The following BCO2 variants were observed in gnomAD, a reference collection of about 807,000 sequenced individuals.
BCO2 encodes beta-carotene oxygenase 2.
In BCO2, 56 loss-of-function variants were observed where a neutral mutation model predicts 65.8. The ratio of observed to expected loss-of-function variants is 0.85; its 90% CI spans 0.69 to 1.06. The LOEUF (loss-of-function observed/expected upper bound fraction) is 1.06. Among genes scored for constraint, BCO2 ranks in the 50% least tolerant of loss-of-function variants. The pLI is 0.00. For missense variants in BCO2, 675 were observed against 698.5 expected (o/e 0.97, Z 0.38); for synonymous variants, 233 against 242.3 (o/e 0.96, Z 0.36).
intron 2 of BCO2, chr11:112,183,191 A>G: frequency 2.2e-6 from 2 of 901,878 alleles, no homozygotes; most frequent in Non-Finnish European, 3.7e-6. Context: ...GTGTCAGATG[A>G]GAAATTTTAG....
intron 1 of BCO2, chr11:112,176,182 A>C (rs1866875381): frequency 6.5e-6 from 1 of 153,968 alleles, no homozygotes; most frequent in Non-Finnish European, 1.4e-5. Context: ...TGCACTATAA[A>C]TTTTAAAATT....
In BCO2 at chr11:112,199,414, C is replaced by T. The variant is rs536964352; in HGVS notation, c.737-285C>T. Among the ~76,000 whole-genome samples the T allele has an allele frequency of 7.2e-5, 11 of 152,246 alleles. No individual in the cohort carries two copies. In the East Asian group the frequency reaches 1.9e-3, roughly 27 times the overall value. ...TGCTATTGTGAACAGTGCTTGGCTG[C>T]TATCTTAATGTTTCCTACGAATTAG... On this transcript the variant is annotated intron_variant, in intron 5 of 11. Transcript: ENST00000357685.
intron 8 of BCO2, 79 bp from the exon 9 acceptor site, chr11:112,213,645 T>C: frequency 7.5e-7 from 1 of 1,337,822 alleles, no homozygotes; most frequent in Non-Finnish European, 1.1e-6. Flanking sequence ...ATGCCAATGA[T>C]GTTGACTGGA....
chr11:112,201,143 C>T (rs1867719927), intron 7 of BCO2, among the ~76,000 whole-genome samples: 1 of 146,518 alleles, frequency 6.8e-6, no homozygotes, highest in Non-Finnish European at 1.5e-5. Context: ...GCTTCTTTTT[C>T]CTTTTTTTTT....
At position 112,217,846 on chromosome 11, in the gene BCO2, G is replaced by T; in HGVS notation, c.1712G>T (p.Gly571Val). 4 of 1,613,816 alleles carry T rather than the reference G, an allele frequency of 2.5e-6. No homozygotes were observed. The highest frequency in any genetic ancestry group is 3.4e-6 in the Non-Finnish European group (4 of 1,179,782). Residue 571 changes from glycine (G) to valine (V), a missense_variant, in exon 12 of 12, where the codon GGG (glycine) becomes GTG (valine). By Grantham distance (109) the Gly-to-Val change is moderately radical. Transcript: ENST00000357685. ...GAGGTACCTGTGCAGATGCCTTATGGGTTCCATGGTACCTTCATACCCATC... is the reference window on the plus strand; with the variant it reads ...GAGGTACCTGTGCAGATGCCTTATGTGTTCCATGGTACCTTCATACCCATC... ...RAEVPVQMPYGFHGTFIPI is the reference protein window; with the variant it reads ...RAEVPVQMPYVFHGTFIPI
At chr11:112,201,134 CTTCT>C (rs1321302556) in intron 7 of BCO2, among the ~76,000 whole-genome samples, 1 of 149,626 alleles carries the variant, frequency 6.7e-6, no homozygotes, top group East Asian at 1.9e-4. Context: ...GATTCTCTGG[CTTCT>C]TTTTCCTTTT....
chr11:112,188,216 G>A (rs1322600061), intron 2 of BCO2, among the ~76,000 whole-genome samples: 1 of 152,182 alleles, frequency 6.6e-6, no homozygotes, highest in Non-Finnish European at 1.5e-5. Context: ...CCCAGTTAAA[G>A]CATCACCAGC....
rs1859729824 is a variant in BCO2, at chr11:112,217,829, T to C, written c.1695T>C (p.Pro565=). ...NFEELGRAEV[P]VQMPYGFHGT... is the part of the protein sequence containing the mutation. ...AAGAGCTGGGCCGAGCAGAGGTACC[T>C]GTGCAGATGCCTTATGGGTTCCATG... The change falls in exon 12 of 12, where the codon CCT becomes CCC. Residue 565 remains proline, a synonymous_variant. Transcript: ENST00000357685. 1 of 1,614,162 alleles carries C rather than the reference T, an allele frequency of 6.2e-7. No homozygotes were observed. Among genetic ancestry groups the C allele is most frequent in the Middle Eastern group, 1.7e-4 (1 of 6,060 alleles).
chr11:112,193,269 C>T (rs919325519), intron 2 of BCO2, among the ~76,000 whole-genome samples: 4 of 152,068 alleles, frequency 2.6e-5, no homozygotes, highest in South Asian at 2.1e-4. Flanking sequence ...TGAGCCACCG[C>T]GCCCAGCCTA....
In BCO2 at chr11:112,217,933, G is replaced by T; in HGVS notation, c.*59G>T. The T allele has an allele frequency of 7.9e-7, 1 of 1,272,650 alleles. No homozygotes were observed. The highest frequency in any genetic ancestry group is 2.3e-5 in the East Asian group (1 of 42,696). 78.8% of individuals were successfully genotyped at this position (1,272,650 alleles called of 1,614,324 possible). On this transcript the variant is annotated 3_prime_UTR_variant, in exon 12 of 12. Transcript: ENST00000357685. ...AAATAAGTGTGCACTTGGACATAAA[G>T]ACTGGAGAAATAAACACTGAGGACT...
chr11:112,183,265 C>T (rs1867106657), intron 2 of BCO2: 4 of 720,840 alleles, frequency 5.5e-6, no homozygotes, highest in East Asian at 2.5e-5. Context: ...TCCATCCACT[C>T]AGTTGTCTAG....
chr11:112,181,958 C>T, intron 2 of BCO2: 1 of 555,592 alleles, frequency 1.8e-6, no homozygotes, highest in Non-Finnish European at 3.3e-6. Context: ...ACCCATCTGA[C>T]AAAGGGCTAA....
At chr11:112,188,392 G>A (rs1239862258) in intron 2 of BCO2, among the ~76,000 whole-genome samples, 1 of 152,138 alleles carries the variant, frequency 6.6e-6, no homozygotes, top group African/African-American at 2.4e-5. Flanking sequence ...CTCCTCGTTG[G>A]CTTCTTCAAT....
chr11:112,211,697 T>A (rs531462130), intron 8 of BCO2, among the ~76,000 whole-genome samples: 40 of 152,314 alleles, frequency 2.6e-4, no homozygotes, highest in Non-Finnish European at 4.4e-4. Flanking sequence ...GTGGTTTTGA[T>A]TTGCATTTTC....
chr11:112,181,732 G>C (rs1867056600), intron 2 of BCO2: 3 of 912,980 alleles, frequency 3.3e-6, no homozygotes, highest in Non-Finnish European at 5.5e-6. Flanking sequence ...TCAGAACTGT[G>C]ATGCCAGGGT....
chr11:112,210,303 T>C (rs1566797010), intron 8 of BCO2, among the ~76,000 whole-genome samples: 1 of 152,238 alleles, frequency 6.6e-6, no homozygotes, highest in South Asian at 2.1e-4. Flanking sequence ...TGTCTTTTCA[T>C]GTGCTGGTTA....
chr11:112,194,429 G>T (rs890270077), intron 4 of BCO2: 1 of 477,172 alleles, frequency 2.1e-6, no homozygotes, highest in Non-Finnish European at 3.7e-6. Context: ...AATTTATTCA[G>T]GGTGGTTTTG....
At chr11:112,215,574 T>G (rs1204700004) in intron 10 of BCO2, 1 of 153,598 alleles carries the variant, frequency 6.5e-6, no homozygotes, top group Admixed American at 6.5e-5. Flanking sequence ...CTGGGCGTGG[T>G]GGCACATGCC....
chr11:112,214,594 G>A (rs1370930761), intron 9 of BCO2, 168 bp from the exon 10 acceptor site: 5 of 588,718 alleles, frequency 8.5e-6, no homozygotes, highest in Middle Eastern at 4.4e-4. Context: ...TAATCATTAT[G>A]CATCCACACA....
Sources: gnomAD v4.1 joint callset for allele counts (sites outside exome capture counted in the v4.1 genomes callset) on GRCh38, gnomAD v4.1.1 for gene constraint, MANE v1.5 for transcripts, NCBI Gene and HGNC (gene_info 2026-07-23, HGNC 2026-07-21) for gene names.